PRDM5: variants seen among roughly 807,000 people sequenced by gnomAD.
PRDM5 encodes the protein PR/SET domain 5.
Under a neutral mutation model 81.2 loss-of-function variants are expected in PRDM5, and 56 were observed. The observed-to-expected ratio is 0.69, with a 90% confidence interval of 0.56 to 0.86. PRDM5 has a LOEUF of 0.86. PRDM5 is among the 40% of genes least tolerant of loss of function. The pLI is 0.00. For synonymous variants in PRDM5, 267 were observed against 256.4 expected (o/e 1.04, Z -0.39); for missense variants, 697 against 770.1 (o/e 0.91, Z 1.12).
chr4:120,755,838 G>A (rs958049438), intron 13 of PRDM5, among the ~76,000 whole-genome samples: 10 of 152,114 alleles, frequency 6.6e-5, no homozygotes, highest in Admixed American at 4.6e-4. Context: ...CACCTGCAGC[G>A]GTGTCCCCTG....
intron 1 of PRDM5, among the ~76,000 whole-genome samples, chr4:120,685,434 T>C (rs538089772): frequency 6.6e-6 from 1 of 152,250 alleles, no homozygotes; most frequent in African/African-American, 2.4e-5. Context: ...AGTACAGTGC[T>C]TAAGGACTTT....
chr4:120,839,190 A>G (rs1355273529), intron 3 of PRDM5: 2 of 700,042 alleles, frequency 2.9e-6, no homozygotes, highest in Non-Finnish European at 5.2e-6. Context: ...TTCACTCGCA[A>G]TGTGGCAAGC....
intron 13 of PRDM5, among the ~76,000 whole-genome samples, chr4:120,763,051 G>A (rs1157122049): frequency 1.3e-5 from 2 of 152,162 alleles, no homozygotes; most frequent in African/African-American, 2.4e-5. Context: ...AACAAATGGA[G>A]TCTGGTTTTC....
intron 3 of PRDM5, among the ~76,000 whole-genome samples, chr4:120,845,869 A>G (rs1758596388): frequency 6.6e-6 from 1 of 152,230 alleles, no homozygotes; most frequent in African/African-American, 2.4e-5. Flanking sequence ...AGAGCAAAAT[A>G]TCAACATGAA....
rs1901135 is a variant in PRDM5, at chr4:120,907,364, C to T, written c.177+110G>A. On this transcript the variant is annotated intron_variant, in intron 2 of 15. Transcript: ENST00000264808. The stretch of plus-strand genomic sequence containing the variant: ...AAAAAAAAAAAAACCTAAAACATTT[C>T]AATACTTAAATACTTAACTGGAATC... The T allele has an allele frequency of 0.67, 587,339 of 880,186 alleles. 197,888 individuals are homozygous for T. Among genetic ancestry groups the T allele is most frequent in the Non-Finnish European group, 0.69 (382,881 of 552,600 alleles). The allele number at this position is 880,186 out of a possible 1,614,324, so 54.5% of individuals were successfully genotyped here.
intron 2 of PRDM5, among the ~76,000 whole-genome samples, chr4:120,894,924 T>C (rs1387663371): frequency 2.0e-5 from 3 of 152,336 alleles, no homozygotes; most frequent in African/African-American, 7.2e-5. Context: ...CATTATCATT[T>C]CTGCTTCCGC....
chr4:120,711,053 G>A (rs1055609890), intron 14 of PRDM5, among the ~76,000 whole-genome samples: 1 of 152,164 alleles, frequency 6.6e-6, no homozygotes, highest in Non-Finnish European at 1.5e-5. Context: ...TGCAATGCTG[G>A]ATGCTGGATG....
At position 120,737,355 on chromosome 4, in the gene PRDM5, G is replaced by T. The variant is rs145437917; in HGVS notation, c.1623+17198C>A. ...CTCCCATATGGTAAAATGTGGAAATGCAGAGAAGCACATGCAACTGAAGAA... is the reference window on the plus strand; with the variant it reads ...CTCCCATATGGTAAAATGTGGAAATTCAGAGAAGCACATGCAACTGAAGAA... On this transcript the variant is annotated intron_variant, in intron 14 of 15. Transcript: ENST00000264808. 5.9e-5 allele frequency among the ~76,000 whole-genome samples: 9 copies of T among 152,282 alleles called. No individual in the cohort carries two copies. In the East Asian group the frequency reaches 1.4e-3, roughly 23 times the overall value.
intron 8 of PRDM5, among the ~76,000 whole-genome samples, chr4:120,810,927 C>T (rs1753745200): frequency 6.6e-6 from 1 of 152,086 alleles, no homozygotes; most frequent in African/African-American, 2.4e-5. Flanking sequence ...AATTTTAAGT[C>T]CTGTCAAATT....
At chr4:120,702,265 G>A (rs77956370) in intron 15 of PRDM5, among the ~76,000 whole-genome samples, 1 of 152,120 alleles carries the variant, frequency 6.6e-6, no homozygotes, top group Admixed American at 6.6e-5. Flanking sequence ...ATGGTGTTTT[G>A]CTACTTGTAA....
intron 2 of PRDM5, among the ~76,000 whole-genome samples, chr4:120,877,645 C>T (rs957512837): frequency 1.3e-5 from 2 of 152,028 alleles, no homozygotes; most frequent in Non-Finnish European, 1.5e-5. Flanking sequence ...TCTCTACTAA[C>T]AATACAAAAA....
rs567891137 is a variant in PRDM5 at position 120,693,907 on chromosome 4, C to T, written c.*1204G>A. 2.6e-5 allele frequency: 4 copies of T among 152,166 alleles called. No homozygotes were observed. Among genetic ancestry groups the T allele is most frequent in the Non-Finnish European group, 5.9e-5 (4 of 67,994 alleles). The allele number at this position is 152,166 out of a possible 1,614,324, so 9.4% of individuals were successfully genotyped here. A position where few individuals can be genotyped will look rare whatever the true frequency, so the allele number is the denominator to read the frequency against. The stretch of plus-strand genomic sequence containing the variant: ...CAAACAAGCTGTTCATTGTATGTTG[C>T]TGTCAAGTATTTTGCTGAAATATAA... On this transcript the variant is annotated 3_prime_UTR_variant, in exon 16 of 16. Transcript: ENST00000264808.
Position 120,922,560 on chromosome 4 carries a change from C to G in PRDM5, c.49G>C (p.Val17Leu). 2.5e-6 allele frequency: 4 copies of G among 1,611,286 alleles called. No individual in the cohort carries two copies. Among genetic ancestry groups the G allele is most frequent in the Non-Finnish European group, 3.4e-6 (4 of 1,179,212 alleles). Reference sequence around the variant, plus strand: ...GTGTAGAGCCCCATGCCGTCCTGAACCCGGGAGGACTTCAGGGAGAACCTG... The same window carrying G: ...GTGTAGAGCCCCATGCCGTCCTGAAGCCGGGAGGACTTCAGGGAGAACCTG... ...PDRFSLKSSR[V>L]QDGMGLYTAR... Residue 17 changes from valine to leucine, a missense_variant, in exon 1 of 16, where the codon GTT becomes CTT. By Grantham distance (32) the Val-to-Leu change is conservative. Transcript: ENST00000264808.
chr4:120,693,481 T>A lies in PRDM5; in HGVS notation c.*1630A>T, dbSNP rs1445172555. The A allele has an allele frequency of 1.3e-5, 2 of 152,128 alleles. No individual in the cohort carries two copies. Among genetic ancestry groups the A allele is most frequent in the Non-Finnish European group, 1.5e-5 (1 of 68,002 alleles). The allele number at this position is 152,128 out of a possible 1,614,324, so 9.4% of individuals were successfully genotyped here. ...TATTTTTATAAAATACAGTCTATAATTTCAGATTCAAAATACTACATATAA... is the reference window on the plus strand; with the variant it reads ...TATTTTTATAAAATACAGTCTATAAATTCAGATTCAAAATACTACATATAA... On this transcript the variant is annotated 3_prime_UTR_variant, in exon 16 of 16. Transcript: ENST00000264808.
chr4:120,775,426 T>G (rs1191165265), intron 13 of PRDM5, among the ~76,000 whole-genome samples: 1 of 152,174 alleles, frequency 6.6e-6, no homozygotes, highest in Non-Finnish European at 1.5e-5. Context: ...TAAAATAAAA[T>G]GTAGGCATAC....
intron 1 of PRDM5, among the ~76,000 whole-genome samples, chr4:120,918,738 G>A (rs1470229180): frequency 6.6e-6 from 1 of 150,980 alleles, no homozygotes; most frequent in Non-Finnish European, 1.5e-5. Context: ...TTGGAAAGGA[G>A]GGAGTTGACA....
rs189212036 is a variant in PRDM5, at chr4:120,809,055, G to C, written c.945+2315C>G. The stretch of plus-strand genomic sequence containing the variant: ...CTGAAAGGCTCCTCAAGCATGGCCA[G>C]AGCGGGCGCCAAGGGCCGAGGAGGC... On this transcript the variant is annotated intron_variant, in intron 8 of 15. Coordinates refer to ENST00000264808, the MANE Select transcript of PRDM5 (RefSeq NM_018699.4). 1.2e-4 allele frequency among the ~76,000 whole-genome samples: 19 copies of C among 152,366 alleles called. No individual in the cohort carries two copies. In the East Asian group the frequency reaches 3.3e-3, roughly 26 times the overall value.
chr4:120,871,469 T>G (rs1257980082), intron 2 of PRDM5, among the ~76,000 whole-genome samples: 4 of 152,180 alleles, frequency 2.6e-5, no homozygotes, highest in African/African-American at 9.7e-5. Context: ...CAGTACACAG[T>G]ACCAAAGCAC....
chr4:120,700,791 C>G (rs1237935026), intron 15 of PRDM5, among the ~76,000 whole-genome samples: 1 of 152,032 alleles, frequency 6.6e-6, no homozygotes, highest in Non-Finnish European at 1.5e-5. Context: ...CATATCAAAA[C>G]CACAATGCGA....
Sources: gnomAD v4.1 joint callset for allele counts (sites outside exome capture counted in the v4.1 genomes callset) on GRCh38, gnomAD v4.1.1 for gene constraint, MANE v1.5 for transcripts, NCBI Gene and HGNC (gene_info 2026-07-23, HGNC 2026-07-21) for gene names.